The following CADPS2 variants were observed in gnomAD, a reference collection of about 807,000 sequenced individuals.
CADPS2 encodes the protein calcium dependent secretion activator 2.
Under a neutral mutation model 172.5 loss-of-function variants are expected in CADPS2, and 93 were observed. The ratio of observed to expected loss-of-function variants is 0.54; its 90% confidence interval spans 0.46 to 0.64. The LOEUF is 0.64. Among genes scored for constraint, CADPS2 ranks in the 30% least tolerant of loss-of-function variants. The pLI, the probability that CADPS2 is intolerant of heterozygous loss-of-function variation, is 0.00. For synonymous variants in CADPS2, 546 were observed against 555.2 expected (o/e 0.98, Z 0.23); for missense variants, 1,420 against 1,565.9 (o/e 0.91, Z 1.57).
rs1227112906 is a variant in CADPS2 at position 122,438,255 on chromosome 7, G to T, written c.2476+86C>A. ...TTTGCCATGGCACAGGATTGTTCAG[G>T]AAAGGAAAGGACTTCTCATAGAAAA... On this transcript the variant is annotated intron_variant, in intron 17 of 29. Coordinates refer to ENST00000449022, the MANE Select transcript of CADPS2 (RefSeq NM_017954.11). 3.3e-6 allele frequency: 5 copies of T among 1,523,994 alleles called. No individual in the cohort carries two copies. The African/African-American group carries it at 5.5e-5, about 17-fold the overall frequency. 94.4% of individuals were successfully genotyped at this position (1,523,994 alleles called of 1,614,324 possible). A position where few individuals can be genotyped will look rare whatever the true frequency, so the allele number is the denominator to read the frequency against.
At chr7:122,437,973 A>C (rs2050858621) in intron 17 of CADPS2, among the ~76,000 whole-genome samples, 2 of 152,170 alleles carry the variant, frequency 1.3e-5, no homozygotes, top group Non-Finnish European at 2.9e-5. Context: ...ATAAAATTAC[A>C]TAATACTACA....
At chr7:122,618,600 T>C (rs917494652) in intron 5 of CADPS2, among the ~76,000 whole-genome samples, 12 of 152,162 alleles carry the variant, frequency 7.9e-5, no homozygotes, top group African/African-American at 2.9e-4. Context: ...GTATAGTTCT[T>C]AGAAAAGATT....
Position 122,689,375 on chromosome 7 carries a change from T to C in CADPS2, c.454-25806A>G, listed in dbSNP as rs61064830. Among the ~76,000 whole-genome samples the C allele has an allele frequency of 2.9e-4, 44 of 152,318 alleles. 1 individual carries two copies. In the East Asian group the frequency reaches 7.5e-3, roughly 26 times the overall value. On this transcript the variant is annotated intron_variant, in intron 2 of 29. Coordinates refer to ENST00000449022, the MANE Select transcript of CADPS2 (RefSeq NM_017954.11). ...GTTTTGTAGCACCACCTTCCTGATC[T>C]GATTAACCTTATCAGTTAACAAAAG...
At chr7:122,617,012 G>T (rs975692150) in intron 5 of CADPS2, among the ~76,000 whole-genome samples, 4 of 152,090 alleles carry the variant, frequency 2.6e-5, no homozygotes, top group African/African-American at 9.7e-5. Flanking sequence ...TCTAGAAATC[G>T]TAAGAGCATT....
intron 3 of CADPS2, among the ~76,000 whole-genome samples, chr7:122,659,831 C>G (rs937914217): frequency 6.6e-6 from 1 of 151,542 alleles, no homozygotes; most frequent in Non-Finnish European, 1.5e-5. Context: ...ATCATGCAAA[C>G]AAAAAGACAG....
In CADPS2 at chr7:122,318,689, CTTGT is replaced by C. The variant is rs1336218789; in HGVS notation, c.*1472_*1475del. On this transcript the variant is annotated 3_prime_UTR_variant, in exon 30 of 30. Transcript: ENST00000449022. ...AATCCCGGAAGAAGGAAGAAATTTC[CTTGT>C]TTGTTATCTTAGCCCTAGGGCCCAG... 4 of 152,096 alleles carry C rather than the reference CTTGT, an allele frequency of 2.6e-5. No homozygotes were observed. Among genetic ancestry groups the C allele is most frequent in the East Asian group, 1.9e-4 (1 of 5,186 alleles). 9.4% of individuals were successfully genotyped at this position (152,096 alleles called of 1,614,324 possible). A position where few individuals can be genotyped will look rare whatever the true frequency, so the allele number is the denominator to read the frequency against.
rs2093933973 is a variant in CADPS2, at chr7:122,777,895, C to A, written c.340-40827G>T. On this transcript the variant is annotated intron_variant, in intron 1 of 29. Coordinates refer to ENST00000449022, the MANE Select transcript of CADPS2 (RefSeq NM_017954.11). ...AATGGACTAATACAGTAAACTGGTA[C>A]CCATAGAGTGGGGTGCTGCTATAAC... Among the ~76,000 whole-genome samples the A allele has an allele frequency of 2.0e-5, 3 of 152,050 alleles. No individual in the cohort carries two copies. In the South Asian group the frequency reaches 6.2e-4, roughly 32 times the overall value.
chr7:122,698,501 A>G (rs773128114), intron 2 of CADPS2: 2 of 1,614,018 alleles, frequency 1.2e-6, no homozygotes, highest in South Asian at 2.2e-5. Context: ...AACATGGGGA[A>G]CACCTGGTTG....
At chr7:122,527,363 A>G (rs2061320054) in intron 8 of CADPS2, among the ~76,000 whole-genome samples, 2 of 151,382 alleles carry the variant, frequency 1.3e-5, no homozygotes. Flanking sequence ...AGAATATATT[A>G]TATGTCTAAA....
At chr7:122,428,365 G>A (rs1038205391) in intron 17 of CADPS2, among the ~76,000 whole-genome samples, 4 of 151,798 alleles carry the variant, frequency 2.6e-5, no homozygotes, top group African/African-American at 9.7e-5. Flanking sequence ...ATCATATAAA[G>A]CTGTACTTGA....
At position 122,714,313 on chromosome 7, in the gene CADPS2, G is replaced by C. The variant is rs1399386726; in HGVS notation, c.453+22642C>G. 2.0e-5 allele frequency among the ~76,000 whole-genome samples: 3 copies of C among 152,138 alleles called. No individual in the cohort carries two copies. The South Asian group carries it at 6.2e-4, about 32-fold the overall frequency. The stretch of plus-strand genomic sequence containing the variant: ...TGTAAGTAGCAGTCTATACCTACAA[G>C]AATACAAAGTGGACATAGTATTCAC... On this transcript the variant is annotated intron_variant, in intron 2 of 29. Coordinates refer to ENST00000449022, the MANE Select transcript of CADPS2 (RefSeq NM_017954.11).
intron 8 of CADPS2, among the ~76,000 whole-genome samples, chr7:122,546,946 T>C (rs1000762034): frequency 2.5e-4 from 38 of 152,120 alleles, no homozygotes; most frequent in African/African-American, 8.0e-4. Flanking sequence ...CCAAATAGAA[T>C]TGACAGAATA....
chr7:122,632,523 C>G (rs540487652), intron 3 of CADPS2, among the ~76,000 whole-genome samples: 17 of 152,234 alleles, frequency 1.1e-4, no homozygotes, highest in African/African-American at 3.9e-4. Context: ...AGTGTCTGAT[C>G]ATGTCCTTTG....
chr7:122,669,355 A>ATTT (rs34217280), intron 2 of CADPS2, among the ~76,000 whole-genome samples: 300 of 139,494 alleles, frequency 2.2e-3, no homozygotes, highest in African/African-American at 7.6e-3. Context: ...ATATATATAT[A>ATTT]TTTTTTTTTT....
intron 3 of CADPS2, among the ~76,000 whole-genome samples, chr7:122,658,153 T>A (rs1418518429): frequency 6.6e-6 from 1 of 152,194 alleles, no homozygotes; most frequent in Non-Finnish European, 1.5e-5. Context: ...TCATCATCAC[T>A]GGCCATCAGA....
At chr7:122,358,062 C>G (rs1168972904) in intron 27 of CADPS2, among the ~76,000 whole-genome samples, 1 of 152,122 alleles carries the variant, frequency 6.6e-6, no homozygotes, top group Admixed American at 6.5e-5. Flanking sequence ...AAACAGTTTT[C>G]CAAAGTAGCT....
intron 15 of CADPS2, among the ~76,000 whole-genome samples, chr7:122,450,687 T>C (rs1335251096): frequency 2.6e-5 from 4 of 151,924 alleles, no homozygotes; most frequent in Middle Eastern, 3.4e-3. Flanking sequence ...TGCACCACCA[T>C]GTCTGGCTGG....
intron 7 of CADPS2, among the ~76,000 whole-genome samples, chr7:122,575,350 T>C (rs1414522308): frequency 1.3e-5 from 2 of 152,060 alleles, no homozygotes; most frequent in Admixed American, 1.3e-4. Flanking sequence ...CACATATTTC[T>C]GAATCAATAT....
chr7:122,501,750 C>T (rs886882480), intron 9 of CADPS2, among the ~76,000 whole-genome samples: 3 of 151,782 alleles, frequency 2.0e-5, no homozygotes, highest in African/African-American at 4.8e-5. Context: ...TGGCACACGC[C>T]TGTAGTCCCA....
Sources: gnomAD v4.1 joint callset for allele counts (sites outside exome capture counted in the v4.1 genomes callset) on GRCh38, gnomAD v4.1.1 for gene constraint, MANE v1.5 for transcripts, NCBI Gene and HGNC (gene_info 2026-07-23, HGNC 2026-07-21) for gene names.